Variants in SGK1 observed in about 807,000 individuals in gnomAD.
The protein encoded by SGK1 is serum/glucocorticoid regulated kinase 1, also known as serine/threonine-protein kinase Sgk1.
In SGK1, 26 loss-of-function variants were observed where a neutral mutation model predicts 64.2. That is an observed-to-expected ratio of 0.40 (90% confidence interval 0.30 to 0.56). SGK1 has a LOEUF of 0.56. Ranked by LOEUF, SGK1 falls within the 20% of genes least tolerant of loss-of-function variation. The probability of loss-of-function intolerance (pLI) is 0.38; values close to 1 mark genes in which losing one functional copy is unlikely to be tolerated. For synonymous variants in SGK1, 265 were observed against 239.7 expected (o/e 1.11, Z -0.98); for missense variants, 519 against 645.6 (o/e 0.80, Z 2.12).
At chr6:134,251,785 T>C (rs1360874) in intron 2 of SGK1, among the ~76,000 whole-genome samples, 150,363 of 152,296 alleles carry the variant, frequency 0.99, 74,231 homozygotes, top group East Asian at 1. Flanking sequence ...GATGAGGTTT[T>C]ACTCTGTCAC....
At chr6:134,175,668 C>G in intron 3 of SGK1, 2 of 1,490,840 alleles carry the variant, frequency 1.3e-6, no homozygotes, top group Non-Finnish European at 1.8e-6. Context: ...CCATGGGCAG[C>G]GGGCGGCGGG....
intron 2 of SGK1, among the ~76,000 whole-genome samples, chr6:134,234,529 G>A (rs1214068545): frequency 6.6e-6 from 1 of 152,216 alleles, no homozygotes; most frequent in Non-Finnish European, 1.5e-5. Flanking sequence ...GAGCTGTTAA[G>A]TGATCTCAAA....
chr6:134,232,277 C>T (rs1488077461), intron 2 of SGK1, among the ~76,000 whole-genome samples: 4 of 150,734 alleles, frequency 2.7e-5, no homozygotes, highest in East Asian at 3.9e-4. Flanking sequence ...CCCAGCTATT[C>T]GGGAGGTTGA....
chr6:134,287,723 A>G (rs1582765291), intron 1 of SGK1, among the ~76,000 whole-genome samples: 1 of 152,128 alleles, frequency 6.6e-6, no homozygotes, highest in African/African-American at 2.4e-5. Context: ...TAGAATATCA[A>G]TTTGTACATT....
At chr6:134,235,541 T>TTTTTTTA (rs1554223227) in intron 2 of SGK1, among the ~76,000 whole-genome samples, 3 of 92,128 alleles carry the variant, frequency 3.3e-5, no homozygotes, top group East Asian at 2.8e-4. Context: ...AAATAGATAT[T>TTTTTTTA]TTTATTTATT....
chr6:134,209,599 G>A (rs1775852009), intron 2 of SGK1, among the ~76,000 whole-genome samples: 1 of 152,074 alleles, frequency 6.6e-6, no homozygotes, highest in African/African-American at 2.4e-5. Context: ...TCCTTCCATT[G>A]CAACAATAAT....
intron 3 of SGK1, among the ~76,000 whole-genome samples, chr6:134,197,050 T>C (rs1311102972): frequency 2.0e-5 from 3 of 152,052 alleles, no homozygotes; most frequent in African/African-American, 7.2e-5. Context: ...CTGGACAACA[T>C]GGTGAAACCC....
Position 134,172,229 on chromosome 6 carries a change from G to A in SGK1, c.1035C>T (p.His345=). 1 of 1,614,220 alleles carries A rather than the reference G, an allele frequency of 6.2e-7. No individual in the cohort carries two copies. Among genetic ancestry groups the A allele is most frequent in the Non-Finnish European group, 8.5e-7 (1 of 1,180,034 alleles). The change falls in exon 10 of 14, where the codon CAC becomes CAT. Residue 345 remains histidine, a synonymous_variant. Transcript: ENST00000367858. ...CACAGAAGGTGGATGTTGTGCTGTT[G>A]TGTTCAATGTTCTCCTTGCAGAGTC... The part of the protein sequence containing the change: ...DFGLCKENIE[H]NSTTSTFCGT...
chr6:134,225,722 T>A (rs991141844), intron 2 of SGK1, among the ~76,000 whole-genome samples: 18 of 152,082 alleles, frequency 1.2e-4, no homozygotes, highest in Non-Finnish European at 2.2e-4. Context: ...CAAGTTAGCC[T>A]TTAAAATCTT....
chr6:134,171,479 G>A (rs1456064885), intron 11 of SGK1, 158 bp downstream of exon 11: 3 of 624,396 alleles, frequency 4.8e-6, no homozygotes, highest in Non-Finnish European at 8.5e-6. Flanking sequence ...AACCAGGTAA[G>A]TGATTATTCT....
chr6:134,241,580 C>T lies in SGK1; in HGVS notation c.285+20353G>A, dbSNP rs1197789472. Among the ~76,000 whole-genome samples the T allele has an allele frequency of 2.6e-5, 4 of 152,050 alleles. No homozygotes were observed. In the East Asian group the frequency reaches 7.7e-4, roughly 29 times the overall value. On this transcript the variant is annotated intron_variant, in intron 2 of 13. Coordinates refer to ENST00000367858, the MANE Select transcript of SGK1 (RefSeq NM_001143676.3). ...CAAATGCAGGCTCTACGAAGTCTGT[C>T]TTCCTAGATTGAAATCACATGTAGC...
chr6:134,297,588 C>T (rs1254113574), intron 1 of SGK1: 25 of 483,110 alleles, frequency 5.2e-5, no homozygotes, highest in East Asian at 1.7e-4. Flanking sequence ...CTGCAAGCTC[C>T]GCCTCCCAGG....
rs142632426 is a variant in SGK1, at chr6:134,274,787, G to GTCTTTTCTTTTCTTT, written c.70-12654_70-12640dup. On this transcript the variant is annotated intron_variant, in intron 1 of 13. Coordinates refer to ENST00000367858, the MANE Select transcript of SGK1 (RefSeq NM_001143676.3). ...TTCCTTAAATGGTATTGCCCTTTTA[G>GTCTTTTCTTTTCTTT]TCTTTTCTTTTCTTTTCTTTTCTTT... is the stretch of plus-strand genomic sequence containing the variant. Among the ~76,000 whole-genome samples, 156 of 150,100 alleles carry GTCTTTTCTTTTCTTT rather than the reference G, an allele frequency of 1.0e-3. 1 individual carries two copies. Among genetic ancestry groups the GTCTTTTCTTTTCTTT allele is most frequent in the Middle Eastern group, 6.8e-3 (2 of 292 alleles).
intron 2 of SGK1, among the ~76,000 whole-genome samples, chr6:134,251,070 C>T (rs1304039897): frequency 6.6e-6 from 1 of 152,130 alleles, no homozygotes; most frequent in Non-Finnish European, 1.5e-5. Flanking sequence ...AGCCATTGCA[C>T]CCAGCCCTTA....
intron 1 of SGK1, among the ~76,000 whole-genome samples, chr6:134,268,722 C>CAA (rs559703087): frequency 0.011 from 827 of 72,286 alleles, 23 homozygotes; most frequent in African/African-American, 0.029. Flanking sequence ...GACTCTGTCT[C>CAA]AAAAAAAAAA....
intron 2 of SGK1, among the ~76,000 whole-genome samples, chr6:134,219,506 A>G (rs2114699978): frequency 6.6e-6 from 1 of 152,086 alleles, no homozygotes; most frequent in East Asian, 1.9e-4. Flanking sequence ...CACGCCTGTA[A>G]TCCCAGAACT....
intron 2 of SGK1, among the ~76,000 whole-genome samples, chr6:134,242,675 G>C (rs1582737537): frequency 6.6e-6 from 1 of 151,198 alleles, no homozygotes; most frequent in African/African-American, 2.4e-5. Context: ...ATGTTGCCCA[G>C]GCTGGTCTCG....
chr6:134,242,590 C>A (rs1006770026), intron 2 of SGK1, among the ~76,000 whole-genome samples: 3 of 151,048 alleles, frequency 2.0e-5, no homozygotes, highest in Admixed American at 1.3e-4. Flanking sequence ...GCTTTATAGT[C>A]CTTCAGACAT....
chr6:134,187,836 T>C (rs1033508932), intron 3 of SGK1, among the ~76,000 whole-genome samples: 1 of 152,200 alleles, frequency 6.6e-6, no homozygotes, highest in African/African-American at 2.4e-5. Context: ...TCTACTGCAG[T>C]AAGGACAAAA....
Sources: gnomAD v4.1 joint callset for allele counts (sites outside exome capture counted in the v4.1 genomes callset) on GRCh38, gnomAD v4.1.1 for gene constraint, MANE v1.5 for transcripts, NCBI Gene and HGNC (gene_info 2026-07-23, HGNC 2026-07-21) for gene names.